LCLAT1: variants seen among roughly 807,000 people sequenced by gnomAD.
LCLAT1 encodes lysocardiolipin acyltransferase 1, also known as 1-AGP acyltransferase 8.
Under a neutral mutation model 30.7 loss-of-function variants are expected in LCLAT1, and 11 were observed. That is an observed-to-expected ratio of 0.36 (90% CI 0.23 to 0.59). The LOEUF (loss-of-function observed/expected upper bound fraction) is 0.59. Ranked by LOEUF, LCLAT1 falls within the 20% of genes least tolerant of loss-of-function variation. The pLI is 0.77. For missense variants in LCLAT1, 402 were observed against 458.6 expected (o/e 0.88, Z 1.13); for synonymous variants, 155 against 151.3 (o/e 1.02, Z -0.18).
At chr2:30,535,456 C>T (rs1686198153) in intron 3 of LCLAT1, among the ~76,000 whole-genome samples, 1 of 152,102 alleles carries the variant, frequency 6.6e-6, no homozygotes, top group Admixed American at 6.5e-5. Flanking sequence ...AAAAGACTTG[C>T]CTTCCCAGTG....
intron 1 of LCLAT1, among the ~76,000 whole-genome samples, chr2:30,467,203 C>G (rs1431237733): frequency 6.6e-6 from 1 of 151,878 alleles, no homozygotes; most frequent in African/African-American, 2.4e-5. Flanking sequence ...GGTTTTTTGT[C>G]CTTGCAATAG....
At chr2:30,608,319 A>AT (rs1354222776) in intron 5 of LCLAT1, among the ~76,000 whole-genome samples, 6 of 151,762 alleles carry the variant, frequency 4.0e-5, no homozygotes, top group Non-Finnish European at 8.8e-5. Context: ...AAAAAAATTT[A>AT]TAAGTTTAGA....
intron 3 of LCLAT1, among the ~76,000 whole-genome samples, chr2:30,538,320 C>A (rs965465583): frequency 6.6e-6 from 1 of 151,974 alleles, no homozygotes; most frequent in Non-Finnish European, 1.5e-5. Flanking sequence ...AACTGATAAA[C>A]CATTAGTTAG....
At chr2:30,522,097 CCTGA>C (rs1437738393) in intron 1 of LCLAT1, among the ~76,000 whole-genome samples, 1 of 152,108 alleles carries the variant, frequency 6.6e-6, no homozygotes, top group Non-Finnish European at 1.5e-5. Flanking sequence ...ATCCATTCTC[CCTGA>C]CTGACATTTG....
intron 3 of LCLAT1, among the ~76,000 whole-genome samples, chr2:30,556,457 G>A (rs1022800119): frequency 6.6e-6 from 1 of 152,020 alleles, no homozygotes; most frequent in Non-Finnish European, 1.5e-5. Flanking sequence ...ATGGACCAGG[G>A]TAGGGGGAGC....
intron 1 of LCLAT1, among the ~76,000 whole-genome samples, chr2:30,463,016 A>G (rs1386950553): frequency 1.3e-5 from 2 of 152,170 alleles, no homozygotes; most frequent in African/African-American, 4.8e-5. Context: ...AGTGCCAGCT[A>G]CTTGGGAGGC....
chr2:30,462,306 G>A (rs998648249), intron 1 of LCLAT1, among the ~76,000 whole-genome samples: 3 of 152,170 alleles, frequency 2.0e-5, no homozygotes, highest in Non-Finnish European at 4.4e-5. Context: ...AGATGAAAGT[G>A]TATAATTGGA....
At chr2:30,460,315 C>G (rs1214069410) in intron 1 of LCLAT1, among the ~76,000 whole-genome samples, 2 of 152,198 alleles carry the variant, frequency 1.3e-5, no homozygotes, top group Non-Finnish European at 2.9e-5. Context: ...AAACTAAATT[C>G]ATTCTCAATC....
intron 3 of LCLAT1, among the ~76,000 whole-genome samples, chr2:30,554,236 C>T (rs1385780857): frequency 2.0e-5 from 3 of 152,280 alleles, no homozygotes; most frequent in South Asian, 2.1e-4. Flanking sequence ...GAAATACATT[C>T]GACCTGTCAG....
chr2:30,612,490 A>G (rs868738358), intron 5 of LCLAT1, among the ~76,000 whole-genome samples: 1 of 152,174 alleles, frequency 6.6e-6, no homozygotes, highest in Non-Finnish European at 1.5e-5. Context: ...CACCACATAC[A>G]TGTGACCTTG....
At chr2:30,584,612 G>A (rs549524449) in intron 5 of LCLAT1, among the ~76,000 whole-genome samples, 1 of 152,136 alleles carries the variant, frequency 6.6e-6, no homozygotes, top group Admixed American at 6.5e-5. Flanking sequence ...CTAGTTTATT[G>A]TCTGTGTATA....
In LCLAT1 at chr2:30,525,727, T is replaced by C. The variant is rs1214916292; in HGVS notation, c.137T>C (p.Leu46Pro). ...TGGTATCGCTGGATCAACAACCGCC[T>C]TGTGGCAACATGGCTCACCCTACCT... ...PSWYRWINNR[L>P]VATWLTLPVA... Residue 46 changes from leucine (L) to proline (P), a missense_variant, in exon 2 of 6, where the codon CTT becomes CCT. By Grantham distance (98) the Leu-to-Pro change is moderately conservative. Coordinates refer to ENST00000379509, the MANE Select transcript of LCLAT1 (RefSeq NM_001002257.3). 1 of 1,614,160 alleles carries C rather than the reference T, an allele frequency of 6.2e-7. No individual in the cohort carries two copies. Among genetic ancestry groups the C allele is most frequent in the African/African-American group, 1.3e-5 (1 of 75,040 alleles).
Position 30,449,604 on chromosome 2 carries a change from G to A in LCLAT1, c.-5+2221G>A, listed in dbSNP as rs539412514. ...CAGCCTCTGCCTCCCGGGTTCAAGC[G>A]ATTCTCCTGCCTCAGCCTCCTGAGT... On this transcript the variant is annotated intron_variant, in intron 1 of 5. Transcript: ENST00000379509. 2.8e-3 allele frequency among the ~76,000 whole-genome samples: 419 copies of A among 151,872 alleles called. 1 individual carries two copies. The highest frequency in any genetic ancestry group is 7.6e-3 in the Admixed American group (116 of 15,262).
At chr2:30,518,155 A>G (rs78469047) in intron 1 of LCLAT1, among the ~76,000 whole-genome samples, 4,824 of 152,322 alleles carry the variant, frequency 0.032, 108 homozygotes, top group East Asian at 0.064. Context: ...CAAAAATCTT[A>G]AAGTATCGGG....
intron 5 of LCLAT1, among the ~76,000 whole-genome samples, chr2:30,611,660 G>A (rs752757063): frequency 2.6e-5 from 4 of 152,142 alleles, no homozygotes; most frequent in Non-Finnish European, 5.9e-5. Flanking sequence ...TGGAAGCTGA[G>A]GGATAACAGG....
chr2:30,624,497 G>A (rs953751721), intron 5 of LCLAT1, among the ~76,000 whole-genome samples: 1 of 152,128 alleles, frequency 6.6e-6, no homozygotes, highest in African/African-American at 2.4e-5. Context: ...AAACTTTAAA[G>A]CAACAGCAGT....
intron 5 of LCLAT1, among the ~76,000 whole-genome samples, chr2:30,617,771 T>G (rs1313798607): frequency 2.6e-5 from 4 of 152,182 alleles, no homozygotes; most frequent in African/African-American, 9.6e-5. Flanking sequence ...TTTCCTGGGC[T>G]TATTTGTCTT....
chr2:30,479,365 G>A (rs971778042), intron 1 of LCLAT1, among the ~76,000 whole-genome samples: 8 of 151,998 alleles, frequency 5.3e-5, no homozygotes, highest in Non-Finnish European at 1.0e-4. Flanking sequence ...AAGTAGTTGG[G>A]ACCACAGGCT....
intron 5 of LCLAT1, among the ~76,000 whole-genome samples, chr2:30,635,886 A>G (rs754940663): frequency 1.1e-4 from 17 of 152,234 alleles, no homozygotes; most frequent in Non-Finnish European, 1.9e-4. Flanking sequence ...ATATTGGTCA[A>G]CTACTCATTT....
Sources: gnomAD v4.1 joint callset for allele counts (sites outside exome capture counted in the v4.1 genomes callset) on GRCh38, gnomAD v4.1.1 for gene constraint, MANE v1.5 for transcripts, NCBI Gene and HGNC (gene_info 2026-07-23, HGNC 2026-07-21) for gene names.